The following ZPLD1 variants were observed in gnomAD, a reference collection of about 807,000 sequenced individuals.
The protein encoded by ZPLD1 is zona pellucida like domain containing 1.
A neutral mutation model predicts 47.2 loss-of-function variants in ZPLD1; 34 were observed. The observed-to-expected ratio is 0.72, with a 90% CI of 0.55 to 0.96. The LOEUF (loss-of-function observed/expected upper bound fraction) is 0.96. Ranked by LOEUF, ZPLD1 falls within the 40% of genes least tolerant of loss-of-function variation. The probability of loss-of-function intolerance (pLI) is 0.00; values close to 1 mark genes in which losing one functional copy is unlikely to be tolerated. For synonymous variants in ZPLD1, 176 were observed against 186.2 expected, an observed-to-expected ratio of 0.95 and a Z score of 0.45; for missense variants, 512 against 505.8, an observed-to-expected ratio of 1.01 and a Z score of -0.12.
chr3:102,433,552 G>T (rs1707043043), upstream of ZPLD1, among the ~76,000 whole-genome samples: 1 of 152,186 alleles, frequency 6.6e-6, no homozygotes, highest in African/African-American at 2.4e-5. Context: ...TCTTGAGACG[G>T]AGTCTCGCTC....
intron 11 of ZPLD1, 93 bp downstream of exon 11, chr3:102,477,134 C>T: frequency 7.0e-7 from 1 of 1,422,842 alleles, no homozygotes; most frequent in Non-Finnish European, 9.9e-7. Context: ...CTTGAGTTTT[C>T]CAAGTTTGGT....
Position 102,427,166 on chromosome 3 carries a change from G to A in ZPLD1, c.-9+8959G>A, listed in dbSNP as rs1057236978. 7.9e-5 allele frequency among the ~76,000 whole-genome samples: 12 copies of A among 152,222 alleles called. No homozygotes were observed. The South Asian group carries it at 8.3e-4, about 11-fold the overall frequency. On this transcript the variant is annotated intron_variant, in intron 8 of 17. Transcript: ENST00000491959. ...AATTACCAGCAGCCTATTTTATTTC[G>A]TGATTATTGCTTCCTAAAGGCCATT...
chr3:102,459,822 T>C (rs1707478748), intron 6 of ZPLD1, among the ~76,000 whole-genome samples: 1 of 152,156 alleles, frequency 6.6e-6, no homozygotes, highest in Non-Finnish European at 1.5e-5. Context: ...TTTGTTACAA[T>C]TAATAAACCA....
At chr3:102,422,418 A>G (rs932224900) in intron 8 of ZPLD1, among the ~76,000 whole-genome samples, 1 of 152,052 alleles carries the variant, frequency 6.6e-6, no homozygotes, top group African/African-American at 2.4e-5. Flanking sequence ...ATGGCATCCT[A>G]CAACAAAGAA....
At chr3:102,454,990 A>G (rs1707391075) in intron 4 of ZPLD1, among the ~76,000 whole-genome samples, 1 of 152,222 alleles carries the variant, frequency 6.6e-6, no homozygotes. Context: ...TTTTTGCCTT[A>G]GGTGCTACCA....
chr3:102,479,393 C>G lies in ZPLD1; in HGVS notation c.*1775C>G, dbSNP rs1707806018. 6.6e-6 allele frequency: 1 copy of G among 152,082 alleles called. No individual in the cohort carries two copies. Among genetic ancestry groups the G allele is most frequent in the Non-Finnish European group, 1.5e-5 (1 of 68,002 alleles). 9.4% of individuals were successfully genotyped at this position (152,082 alleles called of 1,614,324 possible). On this transcript the variant is annotated 3_prime_UTR_variant, in exon 12 of 12. Transcript: ENST00000466937. ...TACTTTAAGTGAATTGCCATTGATT[C>G]TACGATTAAGTTCTGTGAATAGGAC...
chr3:102,386,189 A>G (rs1057508432), intron 6 of ZPLD1, among the ~76,000 whole-genome samples: 4 of 152,110 alleles, frequency 2.6e-5, no homozygotes, highest in African/African-American at 7.2e-5. Context: ...TTAGGACAGT[A>G]GTTTTCAACC....
chr3:102,435,190 T>C (rs1416698178), intron 1 of ZPLD1, 36 bp downstream of exon 1: 1 of 1,611,358 alleles, frequency 6.2e-7, no homozygotes. Context: ...AAGATAATAG[T>C]TCATCAGTTT....
Position 102,435,147 on chromosome 3 carries a change from T to A in ZPLD1, c.-130T>A. On this transcript the variant is annotated 5_prime_UTR_variant, in exon 1 of 12. It removes an upstream start codon present in the reference 5' UTR. Coordinates refer to ENST00000466937, the MANE Select transcript of ZPLD1 (RefSeq NM_001329788.2). ...TCAGGTTTTCCATGTGCAGGGGAAA[T>A]GATGAAGGTAAGGTTGAGGATGGGA... 6.2e-6 allele frequency: 10 copies of A among 1,613,994 alleles called. No homozygotes were observed. The highest frequency in any genetic ancestry group is 8.5e-6 in the Non-Finnish European group (10 of 1,179,980).
chr3:102,451,576 T>C (rs1348130585), intron 3 of ZPLD1, among the ~76,000 whole-genome samples: 1 of 152,210 alleles, frequency 6.6e-6, no homozygotes, highest in East Asian at 1.9e-4. Flanking sequence ...CAACAGAAAC[T>C]TGTGTCCTGG....
At chr3:102,474,838 T>C (rs2107360129) in intron 10 of ZPLD1, among the ~76,000 whole-genome samples, 1 of 152,308 alleles carries the variant, frequency 6.6e-6, no homozygotes, top group Non-Finnish European at 1.5e-5. Context: ...CAATCAGTTC[T>C]AATTCCAGAA....
intron 8 of ZPLD1, among the ~76,000 whole-genome samples, chr3:102,465,087 T>A (rs1286160308): frequency 6.6e-6 from 1 of 152,244 alleles, no homozygotes; most frequent in South Asian, 2.1e-4. Flanking sequence ...AATGTTAATT[T>A]GAGCAACATT....
intron 3 of ZPLD1, among the ~76,000 whole-genome samples, chr3:102,439,156 G>C (rs1399814484): frequency 6.6e-6 from 1 of 152,166 alleles, no homozygotes; most frequent in Non-Finnish European, 1.5e-5. Flanking sequence ...GTTACTCAAG[G>C]TTTTACCTAG....
chr3:102,394,018 G>A (rs915901259), intron 7 of ZPLD1, among the ~76,000 whole-genome samples: 2 of 152,128 alleles, frequency 1.3e-5, no homozygotes, highest in African/African-American at 4.8e-5. Context: ...AGCAAAACAA[G>A]TAACAACCTT....
chr3:102,424,027 A>G (rs993623183), intron 8 of ZPLD1, among the ~76,000 whole-genome samples: 1 of 152,298 alleles, frequency 6.6e-6, no homozygotes, highest in South Asian at 2.1e-4. Flanking sequence ...TGTAAAAAGG[A>G]ACCAAAGATG....
At position 102,448,274 on chromosome 3, in the gene ZPLD1, C is replaced by A. The variant is rs146497077; in HGVS notation, c.107-4645C>A. Among the ~76,000 whole-genome samples the A allele has an allele frequency of 8.8e-3, 1,337 of 152,252 alleles. 74 individuals carry two copies. The highest frequency in any genetic ancestry group is 0.081 in the Admixed American group (1,245 of 15,278). ...TCTTTAAGCATAAAACATTAAAAAT[C>A]AAACCCCTAAAGATATCTACTCATT... On this transcript the variant is annotated intron_variant, in intron 3 of 11. Coordinates refer to ENST00000466937, the MANE Select transcript of ZPLD1 (RefSeq NM_001329788.2).
chr3:102,446,927 C>T (rs1480732113), intron 3 of ZPLD1, among the ~76,000 whole-genome samples: 1 of 152,138 alleles, frequency 6.6e-6, no homozygotes, highest in Non-Finnish European at 1.5e-5. Flanking sequence ...ATGATATGTA[C>T]ACAATAAATG....
At chr3:102,413,632 C>T (rs2107300841) in intron 7 of ZPLD1, among the ~76,000 whole-genome samples, 1 of 151,812 alleles carries the variant, frequency 6.6e-6, no homozygotes, top group Non-Finnish European at 1.5e-5. Context: ...AATGGGCATA[C>T]AAAACCTACT....
At chr3:102,467,792 A>T (rs1401232297) in intron 8 of ZPLD1, among the ~76,000 whole-genome samples, 1 of 151,874 alleles carries the variant, frequency 6.6e-6, no homozygotes, top group Non-Finnish European at 1.5e-5. Context: ...ACTAGAAGCC[A>T]CAAAATAACA....
Sources: allele counts gnomAD v4.1 joint callset (sites outside exome capture counted in the v4.1 genomes callset), GRCh38; gene constraint gnomAD v4.1.1; transcripts MANE v1.5; gene names NCBI Gene and HGNC (gene_info 2026-07-23, HGNC 2026-07-21).